Variants in RYR3 observed in about 807,000 individuals in gnomAD.
The protein encoded by RYR3 is ryanodine receptor 3.
A neutral mutation model predicts 584.3 loss-of-function variants in RYR3; 207 were observed. The observed-to-expected ratio is 0.35, with a 90% CI of 0.32 to 0.40. The LOEUF (loss-of-function observed/expected upper bound fraction) is 0.40, where lower values mean the gene tolerates loss of function less well. Ranked by LOEUF, RYR3 falls within the 10% of genes least tolerant of loss-of-function variation. The probability of loss-of-function intolerance (pLI) is 1.00; values close to 1 mark genes in which losing one functional copy is unlikely to be tolerated. For synonymous variants in RYR3, 2,416 were observed against 2,248.5 expected, an observed-to-expected ratio of 1.07 and a Z score of -2.11; for missense variants, 5,616 against 6,089.2, an observed-to-expected ratio of 0.92 and a Z score of 2.59.
intron 1 of RYR3, among the ~76,000 whole-genome samples, chr15:33,319,221 G>C (rs973894368): frequency 6.6e-6 from 1 of 152,198 alleles, no homozygotes; most frequent in African/African-American, 2.4e-5. Context: ...GAGAAGTATT[G>C]ATTTGAATCG....
chr15:33,839,020 T>A (rs1222993652), intron 89 of RYR3, 62 bp downstream of exon 89: 6 of 1,547,594 alleles, frequency 3.9e-6, no homozygotes, highest in Non-Finnish European at 4.3e-6. Flanking sequence ...CCACCATATC[T>A]TGTAATCAGT....
At chr15:33,462,431 T>C (rs2048115996) in intron 1 of RYR3, among the ~76,000 whole-genome samples, 1 of 152,150 alleles carries the variant, frequency 6.6e-6, no homozygotes, top group African/African-American at 2.4e-5. Flanking sequence ...AGAAAGAATC[T>C]CAATAAATTA....
At chr15:33,813,408 T>A in intron 73 of RYR3, 59 bp from the exon 74 acceptor site, 1 of 1,443,286 alleles carries the variant, frequency 6.9e-7, no homozygotes, top group Non-Finnish European at 9.7e-7. Flanking sequence ...TACAGGTGAC[T>A]AGCTTCTGCC....
At chr15:33,532,596 TACTC>T (rs2054977350) in intron 4 of RYR3, among the ~76,000 whole-genome samples, 2 of 151,164 alleles carry the variant, frequency 1.3e-5, no homozygotes, top group East Asian at 1.9e-4. Flanking sequence ...TCTTGATAAA[TACTC>T]AATAACATAA....
intron 1 of RYR3, among the ~76,000 whole-genome samples, chr15:33,376,089 C>G (rs2040718580): frequency 6.6e-6 from 1 of 152,138 alleles, no homozygotes; most frequent in South Asian, 2.1e-4. Context: ...TAGAACATTT[C>G]TGTAAACCCA....
intron 83 of RYR3, 67 bp downstream of exon 83, chr15:33,826,336 T>C (rs2077379054): frequency 1.3e-6 from 2 of 1,503,594 alleles, no homozygotes; most frequent in Admixed American, 3.3e-5. Flanking sequence ...TTTAATTGCC[T>C]CAGCACAGAA....
At position 33,780,349 on chromosome 15, in the gene RYR3, T is replaced by C. The variant is rs369156367; in HGVS notation, c.9268+8T>C. 1.9e-5 allele frequency: 30 copies of C among 1,613,172 alleles called. No individual in the cohort carries two copies. Among genetic ancestry groups the C allele is most frequent in the Non-Finnish European group, 2.5e-5 (29 of 1,179,606 alleles). On this transcript the variant is annotated splice_region_variant and intron_variant, in intron 65 of 103. Coordinates refer to ENST00000634891, the MANE Select transcript of RYR3 (RefSeq NM_001036.6). Reference sequence around the variant, plus strand: ...CCCCCAGGGAGAGGTCTAGTAAGTATCTCCCCTCAAAGGTCATCAACCCAT... The same window carrying C: ...CCCCCAGGGAGAGGTCTAGTAAGTACCTCCCCTCAAAGGTCATCAACCCAT...
At chr15:33,452,058 C>T (rs1171509464) in intron 1 of RYR3, among the ~76,000 whole-genome samples, 1 of 152,184 alleles carries the variant, frequency 6.6e-6, no homozygotes, top group Non-Finnish European at 1.5e-5. Context: ...ACCAAACAGA[C>T]GTGATAGTGG....
intron 2 of RYR3, among the ~76,000 whole-genome samples, chr15:33,481,865 T>C (rs1379198431): frequency 6.6e-6 from 1 of 151,666 alleles, no homozygotes; most frequent in Non-Finnish European, 1.5e-5. Flanking sequence ...TTCATATTTA[T>C]ACAAATTCCC....
chr15:33,693,263 C>T (rs370599452), intron 38 of RYR3, among the ~76,000 whole-genome samples: 4 of 152,248 alleles, frequency 2.6e-5, no homozygotes, highest in East Asian at 1.9e-4. Context: ...CCTGGTGCCC[C>T]GGGCTCTGCA....
chr15:33,598,397 T>G (rs1367034906), intron 16 of RYR3, among the ~76,000 whole-genome samples: 1 of 141,422 alleles, frequency 7.1e-6, no homozygotes, highest in African/African-American at 2.7e-5. Flanking sequence ...AAAAAGTTTT[T>G]TTTTAAATCT....
At chr15:33,351,626 AT>A (rs1248002484) in intron 1 of RYR3, among the ~76,000 whole-genome samples, 19 of 149,938 alleles carry the variant, frequency 1.3e-4, no homozygotes, top group South Asian at 8.6e-4. Flanking sequence ...AATAAATGTA[AT>A]CCAGCATATA....
chr15:33,695,108 C>G (rs2065743109), intron 38 of RYR3, among the ~76,000 whole-genome samples: 1 of 152,126 alleles, frequency 6.6e-6, no homozygotes. Context: ...CTTCATTGTC[C>G]CCTTGGCACT....
intron 1 of RYR3, among the ~76,000 whole-genome samples, chr15:33,313,237 C>G (rs758233114): frequency 7.2e-5 from 11 of 152,314 alleles, no homozygotes; most frequent in Non-Finnish European, 1.2e-4. Context: ...GGTGATGAAA[C>G]TGAAGCACAG....
intron 53 of RYR3, among the ~76,000 whole-genome samples, chr15:33,746,494 AT>A (rs2070730056): frequency 1.3e-5 from 2 of 152,138 alleles, no homozygotes; most frequent in African/African-American, 4.8e-5. Flanking sequence ...GCACGGTGAA[AT>A]TGCTGGAGAA....
chr15:33,425,217 T>C (rs1048310286), intron 1 of RYR3, among the ~76,000 whole-genome samples: 2 of 152,226 alleles, frequency 1.3e-5, no homozygotes, highest in Admixed American at 6.5e-5. Context: ...CTAAAGGAGA[T>C]AAAGAATTGC....
intron 69 of RYR3, among the ~76,000 whole-genome samples, chr15:33,806,512 C>A (rs12911184): frequency 4.0e-5 from 6 of 150,816 alleles, no homozygotes; most frequent in African/African-American, 4.9e-5. Flanking sequence ...AGGAAGAAAA[C>A]GCAAGAAAAT....
chr15:33,734,138 C>T lies in RYR3; in HGVS notation c.7425-2097C>T, dbSNP rs546420172. Among the ~76,000 whole-genome samples the T allele has an allele frequency of 7.2e-5, 11 of 152,224 alleles. No homozygotes were observed. In the East Asian group the frequency reaches 1.2e-3, roughly 16 times the overall value. ...AGGCTGGTTGATGGGAAGGAGGCCT[C>T]GACCCAGGCCCCAAAAAGGGTTTTC... On this transcript the variant is annotated intron_variant, in intron 48 of 103. Transcript: ENST00000634891.
At chr15:33,384,569 G>T (rs560136352) in intron 1 of RYR3, among the ~76,000 whole-genome samples, 2 of 133,902 alleles carry the variant, frequency 1.5e-5, no homozygotes, top group East Asian at 4.1e-4. Flanking sequence ...TATACTTACG[G>T]TGTACAACCT....
Sources: gnomAD v4.1 joint callset for allele counts (sites outside exome capture counted in the v4.1 genomes callset) on GRCh38, gnomAD v4.1.1 for gene constraint, MANE v1.5 for transcripts, NCBI Gene and HGNC (gene_info 2026-07-23, HGNC 2026-07-21) for gene names.